The following TNR variants were observed in gnomAD, a reference collection of about 807,000 sequenced individuals.
The protein encoded by TNR is tenascin R.
In TNR, 45 loss-of-function variants were observed where a neutral mutation model predicts 150.4. The observed-to-expected ratio is 0.30, with a 90% CI of 0.24 to 0.38. The LOEUF (loss-of-function observed/expected upper bound fraction) is 0.38, where lower values mean the gene tolerates loss of function less well. Ranked by LOEUF, TNR falls within the 10% of genes least tolerant of loss-of-function variation. The pLI, the probability that TNR is intolerant of heterozygous loss-of-function variation, is 1.00. For missense variants in TNR, 1,544 were observed against 1,759.1 expected (o/e 0.88, Z 2.19); for synonymous variants, 687 against 678.4 (o/e 1.01, Z -0.20).
intron 1 of TNR, among the ~76,000 whole-genome samples, chr1:175,610,958 C>T (rs748195974): frequency 1.2e-4 from 19 of 152,180 alleles, no homozygotes; most frequent in Admixed American, 5.9e-4. Flanking sequence ...TATTACATGG[C>T]TTGATCACTG....
At chr1:175,420,597 C>T (rs1235925034) in intron 2 of TNR, among the ~76,000 whole-genome samples, 1 of 152,212 alleles carries the variant, frequency 6.6e-6, no homozygotes, top group Non-Finnish European at 1.5e-5. Flanking sequence ...TCCTACCTTT[C>T]CCCTTTTGAA....
At chr1:175,575,288 C>G (rs1662053380) in intron 1 of TNR, among the ~76,000 whole-genome samples, 1 of 152,240 alleles carries the variant, frequency 6.6e-6, no homozygotes, top group Admixed American at 6.5e-5. Flanking sequence ...AAGAAATAAA[C>G]TTACATTGTT....
intron 1 of TNR, among the ~76,000 whole-genome samples, chr1:175,735,006 T>C (rs1667733986): frequency 6.6e-6 from 1 of 152,254 alleles, no homozygotes. Flanking sequence ...TATATCTCTA[T>C]AAATATATAC....
chr1:175,430,686 C>T (rs1248359238), intron 2 of TNR, among the ~76,000 whole-genome samples: 2 of 152,198 alleles, frequency 1.3e-5, no homozygotes, highest in East Asian at 3.8e-4. Flanking sequence ...AACCTTCCTC[C>T]TTCAATGCTG....
intron 1 of TNR, among the ~76,000 whole-genome samples, chr1:175,701,779 G>A (rs1666703537): frequency 6.6e-6 from 1 of 152,184 alleles, no homozygotes; most frequent in African/African-American, 2.4e-5. Flanking sequence ...GCAGCACCAG[G>A]GAGCTGGTTA....
chr1:175,671,111 C>T (rs74489105), intron 1 of TNR, among the ~76,000 whole-genome samples: 2,542 of 152,132 alleles, frequency 0.017, 59 homozygotes, highest in East Asian at 0.053. Flanking sequence ...ACTGAACACC[C>T]GTAGGGGTAT....
At chr1:175,511,037 T>C (rs1037870433) in intron 2 of TNR, among the ~76,000 whole-genome samples, 2 of 152,158 alleles carry the variant, frequency 1.3e-5, no homozygotes, top group African/African-American at 4.8e-5. Context: ...ATGGATGTAA[T>C]CGTTTTGTTA....
intron 1 of TNR, among the ~76,000 whole-genome samples, chr1:175,543,586 G>C (rs1660579506): frequency 6.6e-6 from 1 of 152,106 alleles, no homozygotes; most frequent in South Asian, 2.1e-4. Context: ...CCTTTAATAT[G>C]CATACATTGA....
intron 1 of TNR, among the ~76,000 whole-genome samples, chr1:175,712,857 T>C (rs997260180): frequency 6.6e-6 from 1 of 152,138 alleles, no homozygotes; most frequent in Non-Finnish European, 1.5e-5. Flanking sequence ...ATTAAATCTC[T>C]TTTCTTTATA....
chr1:175,498,914 A>T lies in TNR; in HGVS notation c.-64+29355T>A, dbSNP rs796921148. Among the ~76,000 whole-genome samples the T allele has an allele frequency of 9.2e-5, 14 of 152,348 alleles. 1 individual carries two copies. The highest frequency in any genetic ancestry group is 3.4e-4 in the African/African-American group (14 of 41,574). On this transcript the variant is annotated intron_variant, in intron 2 of 22. Transcript: ENST00000367674. ...TGTAGTTGCATTTGATGATAGCATT[A>T]AACTGTTTGCTCTGCCTTCTGTTGC...
chr1:175,635,176 C>A (rs1048104617), intron 1 of TNR, among the ~76,000 whole-genome samples: 1 of 152,252 alleles, frequency 6.6e-6, no homozygotes, highest in African/African-American at 2.4e-5. Context: ...GCTGGCCCAA[C>A]AGGTCTGACT....
chr1:175,431,877 T>C (rs1348033290), intron 2 of TNR, among the ~76,000 whole-genome samples: 1 of 109,970 alleles, frequency 9.1e-6, no homozygotes, highest in East Asian at 2.8e-4. Flanking sequence ...CAGGGGGCTG[T>C]CTGCATTCAT....
chr1:175,405,229 GC>G (rs1474925605), intron 3 of TNR, among the ~76,000 whole-genome samples: 1 of 152,262 alleles, frequency 6.6e-6, no homozygotes, highest in Non-Finnish European at 1.5e-5. Context: ...ATTGGCGTCA[GC>G]CGATAATAGC....
At chr1:175,594,010 C>A (rs893998601) in intron 1 of TNR, among the ~76,000 whole-genome samples, 1 of 152,166 alleles carries the variant, frequency 6.6e-6, no homozygotes, top group African/African-American at 2.4e-5. Context: ...CAAGAGGAAT[C>A]TCTCTCTTTT....
chr1:175,415,338 T>C (rs1022840520), intron 2 of TNR, among the ~76,000 whole-genome samples: 3 of 152,146 alleles, frequency 2.0e-5, no homozygotes, highest in African/African-American at 7.2e-5. Context: ...CCATCAGCGC[T>C]GGGCCTTTAT....
intron 1 of TNR, among the ~76,000 whole-genome samples, chr1:175,570,071 A>G (rs1661801816): frequency 6.6e-6 from 1 of 152,194 alleles, no homozygotes; most frequent in African/African-American, 2.4e-5. Flanking sequence ...AAGTTCTATA[A>G]ATAGGAGTCC....
chr1:175,336,828 C>A (rs1410083829), intron 19 of TNR, among the ~76,000 whole-genome samples: 1 of 152,250 alleles, frequency 6.6e-6, no homozygotes, highest in African/African-American at 2.4e-5. Context: ...GGCTTCTGAT[C>A]ATCTCTCTGT....
intron 12 of TNR, among the ~76,000 whole-genome samples, chr1:175,364,084 T>C (rs1651725050): frequency 6.6e-6 from 1 of 152,230 alleles, no homozygotes; most frequent in Non-Finnish European, 1.5e-5. Flanking sequence ...CTGTTACCTA[T>C]CTGCAAGCCA....
chr1:175,562,386 T>G (rs1661466272), intron 1 of TNR, among the ~76,000 whole-genome samples: 1 of 152,206 alleles, frequency 6.6e-6, no homozygotes, highest in Admixed American at 6.5e-5. Context: ...TCCTAAGTGC[T>G]AAACAGATTT....
Sources: gnomAD v4.1 joint callset for allele counts (sites outside exome capture counted in the v4.1 genomes callset) on GRCh38, gnomAD v4.1.1 for gene constraint, MANE v1.5 for transcripts, NCBI Gene and HGNC (gene_info 2026-07-23, HGNC 2026-07-21) for gene names.